The following NMNAT1 variants were observed in gnomAD, a reference collection of about 807,000 sequenced individuals.
The protein encoded by NMNAT1 is nicotinamide nucleotide adenylyltransferase 1, also known as nicotinamide/nicotinic acid mononucleotide adenylyltransferase 1.
A neutral mutation model predicts 16.7 loss-of-function variants in NMNAT1; 11 were observed. The ratio of observed to expected loss-of-function variants is 0.66; its 90% confidence interval spans 0.41 to 1.09. The LOEUF (loss-of-function observed/expected upper bound fraction) is 1.09, where lower values mean the gene tolerates loss of function less well. NMNAT1 is among the 50% of genes least tolerant of loss of function. The pLI, the probability that NMNAT1 is intolerant of heterozygous loss-of-function variation, is 0.00. For synonymous variants in NMNAT1, 110 were observed against 119.8 expected (o/e 0.92, Z 0.53); for missense variants, 280 against 332.3 (o/e 0.84, Z 1.22).
At chr1:9,988,020 CAG>C (rs1642066222), downstream of NMNAT1, among the ~76,000 whole-genome samples, 1 of 151,994 alleles carries the variant, frequency 6.6e-6, no homozygotes, top group African/African-American at 2.4e-5. Context: ...TTTTTTGAGA[CAG>C]AGTCTTGTTC....
chr1:9,972,307 G>T (rs760642521), intron 2 of NMNAT1, 119 bp downstream of exon 2: 9 of 657,890 alleles, frequency 1.4e-5, no homozygotes, highest in Non-Finnish European at 2.5e-5. Flanking sequence ...TCAAGAGATC[G>T]AGACCATCCT....
At chr1:9,996,267 C>A in the NMNAT1 span, among the ~76,000 whole-genome samples, 1 of 147,234 alleles carries the variant, frequency 6.8e-6, no homozygotes, top group Non-Finnish European at 1.5e-5. Flanking sequence ...GCCGAGATCT[C>A]TCCACTGCAC....
At chr1:9,989,028 G>C (rs1642078539), downstream of NMNAT1, among the ~76,000 whole-genome samples, 1 of 152,084 alleles carries the variant, frequency 6.6e-6, no homozygotes, top group South Asian at 2.1e-4. Flanking sequence ...GAAGAGGGTG[G>C]GTCCCCAATG....
At chr1:9,992,241 C>T in the NMNAT1 span, among the ~76,000 whole-genome samples, 1 of 151,966 alleles carries the variant, frequency 6.6e-6, no homozygotes, top group African/African-American at 2.4e-5. Flanking sequence ...TACCACCACA[C>T]CCAGCTAGTT....
At chr1:9,967,253 G>A (rs1641567722) in intron 1 of NMNAT1, 1 of 152,700 alleles carries the variant, frequency 6.5e-6, no homozygotes, top group Non-Finnish European at 1.5e-5. Flanking sequence ...AAAATTATTT[G>A]AAATTATTGA....
At position 9,943,507 on chromosome 1, in the gene NMNAT1, G is replaced by A. The variant is rs1319058317; in HGVS notation, c.-65G>A. The stretch of plus-strand genomic sequence containing the variant: ...GGTAGCACTCGGGCCGGCGGACAGT[G>A]AGGGCGCGGTAAGCTCCCCGCAAGG... On this transcript the variant is annotated 5_prime_UTR_variant, in exon 1 of 5. Coordinates refer to ENST00000377205, the MANE Select transcript of NMNAT1 (RefSeq NM_022787.4). 5 of 152,464 alleles carry A rather than the reference G, an allele frequency of 3.3e-5. No homozygotes were observed. The highest frequency in any genetic ancestry group is 3.3e-4 in the Admixed American group (5 of 15,294). The allele number at this position is 152,464 out of a possible 1,614,324, so 9.4% of individuals were successfully genotyped here. A position where few individuals can be genotyped will look rare whatever the true frequency, so the allele number is the denominator to read the frequency against.
chr1:9,964,883 G>A (rs1027765302), intron 1 of NMNAT1, among the ~76,000 whole-genome samples: 21 of 148,104 alleles, frequency 1.4e-4, no homozygotes, highest in African/African-American at 4.8e-4. Flanking sequence ...GGGAGGTAGA[G>A]GTTGCAGTGA....
chr1:9,982,257 G>A (rs1180371895), intron 4 of NMNAT1, 44 bp from the exon 5 acceptor site: 1 of 1,552,594 alleles, frequency 6.4e-7, no homozygotes, highest in Admixed American at 2.0e-5. Context: ...GGAGGTAGAG[G>A]GGAAGAAAAA....
In NMNAT1 at chr1:9,982,483, A is replaced by G; in HGVS notation, c.622A>G (p.Ser208Gly). 1 of 1,614,146 alleles carries G rather than the reference A, an allele frequency of 6.2e-7. No homozygotes were observed. The change falls in exon 5 of 5, where the codon AGC becomes GGC. Residue 208 changes from serine (S) to glycine (G), a missense_variant. Physicochemically the swap from Ser to Gly is moderately conservative, Grantham distance 56. Coordinates refer to ENST00000377205, the MANE Select transcript of NMNAT1 (RefSeq NM_022787.4). ...ATCGGATGTGCTGTGGAAACACCGG[A>G]GCAACATTCACGTGGTGAATGAATG... ...YESDVLWKHRSNIHVVNEWIA... is the reference protein window; with the variant it reads ...YESDVLWKHRGNIHVVNEWIA...
At chr1:9,981,939 C>T (rs1330080104) in intron 4 of NMNAT1, among the ~76,000 whole-genome samples, 1 of 152,044 alleles carries the variant, frequency 6.6e-6, no homozygotes, top group African/African-American at 2.4e-5. Flanking sequence ...TCTCGGCTTA[C>T]TGCAACCTCT....
At chr1:9,980,961 T>A in intron 3 of NMNAT1, 70 bp from the exon 4 acceptor site, 1 of 1,515,018 alleles carries the variant, frequency 6.6e-7, no homozygotes, top group South Asian at 1.3e-5. Context: ...CAGCTATAAA[T>A]AATGTTAATG....
intron 3 of NMNAT1, among the ~76,000 whole-genome samples, chr1:9,977,609 A>G (rs1193778384): frequency 1.3e-5 from 2 of 151,950 alleles, no homozygotes; most frequent in Non-Finnish European, 1.5e-5. Flanking sequence ...GCTCATGACT[A>G]TAATCCCAGC....
rs566784324 is a variant in NMNAT1 at position 9,972,072 on chromosome 1, C to G, written c.-2C>G. ...TTAGATCAACAACTTCAAGTTCTTA[C>G]CATGGAAAATTCCGAGAAGACTGAA... On this transcript the variant is annotated 5_prime_UTR_variant, in exon 2 of 5. Transcript: ENST00000377205. The G allele has an allele frequency of 1.3e-6, 2 of 1,537,538 alleles. No homozygotes were observed. The highest frequency in any genetic ancestry group is 2.2e-5 in the South Asian group (2 of 89,434).
intron 1 of NMNAT1, among the ~76,000 whole-genome samples, chr1:9,958,495 A>G (rs576695802): frequency 2.0e-3 from 299 of 148,368 alleles, no homozygotes; most frequent in Non-Finnish European, 3.3e-3. Context: ...GCTGGAGTGC[A>G]GTGGTGTGAT....
intron 1 of NMNAT1, among the ~76,000 whole-genome samples, chr1:9,960,562 A>G (rs976569296): frequency 1.3e-5 from 2 of 152,212 alleles, no homozygotes; most frequent in Non-Finnish European, 2.9e-5. Context: ...GCTCAATTTC[A>G]GCCTCCCGAG....
At chr1:9,987,052 T>G (rs1271684983), downstream of NMNAT1, among the ~76,000 whole-genome samples, 1 of 151,484 alleles carries the variant, frequency 6.6e-6, no homozygotes, top group Non-Finnish European at 1.5e-5. Flanking sequence ...CAAAAAATTA[T>G]ACGGGCGTGG....
chr1:9,993,573 G>A, the NMNAT1 span, among the ~76,000 whole-genome samples: 353 of 152,240 alleles, frequency 2.3e-3, 3 homozygotes, highest in African/African-American at 7.5e-3. Flanking sequence ...AAAGCTTGCC[G>A]GGGCTGCGTA....
chr1:9,946,018 T>C (rs1640971917), intron 1 of NMNAT1, among the ~76,000 whole-genome samples: 1 of 152,190 alleles, frequency 6.6e-6, no homozygotes, highest in Non-Finnish European at 1.5e-5. Flanking sequence ...CCCCGCAAAG[T>C]GCCGGAATTA....
the NMNAT1 span, among the ~76,000 whole-genome samples, chr1:9,994,741 A>G: frequency 6.6e-6 from 1 of 151,518 alleles, no homozygotes; most frequent in South Asian, 2.1e-4. Flanking sequence ...CCTCCCGAGT[A>G]GCTGGGACTA....
Sources: allele counts gnomAD v4.1 joint callset (sites outside exome capture counted in the v4.1 genomes callset), GRCh38; gene constraint gnomAD v4.1.1; transcripts MANE v1.5; gene names NCBI Gene and HGNC (gene_info 2026-07-23, HGNC 2026-07-21).